The following MAF variants were observed in gnomAD, a reference collection of about 807,000 sequenced individuals.
MAF encodes the protein MAF bZIP transcription factor, also known as transcription factor Maf.
A neutral mutation model predicts 22.0 loss-of-function variants in MAF; 10 were observed. The observed-to-expected ratio is 0.45, with a 90% confidence interval of 0.28 to 0.77. MAF has a LOEUF of 0.77. Among genes scored for constraint, MAF ranks in the 30% least tolerant of loss-of-function variants. MAF has a pLI of 0.12. For missense variants in MAF, 544 were observed against 548.4 expected (o/e 0.99, Z 0.08); for synonymous variants, 337 against 255.8 (o/e 1.32, Z -3.03).
the MAF span, among the ~76,000 whole-genome samples, chr16:79,420,478 A>T: frequency 2.0e-5 from 3 of 152,126 alleles, no homozygotes; most frequent in African/African-American, 7.2e-5. Flanking sequence ...TATTTTAGAG[A>T]ATGTTTAGGT....
chr16:79,310,369 T>G, the MAF span, among the ~76,000 whole-genome samples: 110,766 of 151,338 alleles, frequency 0.73, 40,884 homozygotes, highest in East Asian at 0.94. Flanking sequence ...GAGAGAGAGA[T>G]AGAGACAGAG....
the MAF span, among the ~76,000 whole-genome samples, chr16:79,227,929 G>C: frequency 1.3e-5 from 2 of 151,946 alleles, no homozygotes. Context: ...TTTGAGACAG[G>C]GTCTTTCTCT....
chr16:79,328,057 T>C, the MAF span, among the ~76,000 whole-genome samples: 2 of 152,170 alleles, frequency 1.3e-5, no homozygotes, highest in Admixed American at 6.5e-5. Flanking sequence ...CCCAACCCTG[T>C]GAGTTGTAAG....
chr16:79,398,939 C>G, the MAF span, among the ~76,000 whole-genome samples: 1 of 152,230 alleles, frequency 6.6e-6, no homozygotes, highest in Non-Finnish European at 1.5e-5. Flanking sequence ...TTGCTCCATT[C>G]TGATTGCCTG....
chr16:79,230,392 C>G, the MAF span, among the ~76,000 whole-genome samples: 1 of 152,120 alleles, frequency 6.6e-6, no homozygotes, highest in African/African-American at 2.4e-5. Flanking sequence ...AGTCACCATC[C>G]GCCTTGAAGG....
the MAF span, among the ~76,000 whole-genome samples, chr16:79,330,482 C>T: frequency 1.3e-5 from 2 of 152,178 alleles, no homozygotes; most frequent in Admixed American, 6.6e-5. Flanking sequence ...TACAGGAATG[C>T]TCTGGCCATG....
downstream of MAF, among the ~76,000 whole-genome samples, chr16:79,590,421 G>C (rs1258923600): frequency 2.6e-5 from 4 of 152,198 alleles, no homozygotes; most frequent in Non-Finnish European, 5.9e-5. Context: ...ACTTAAAGTG[G>C]GGCGGAGGTG....
At chr16:79,450,295 C>G in the MAF span, among the ~76,000 whole-genome samples, 1 of 152,168 alleles carries the variant, frequency 6.6e-6, no homozygotes, top group African/African-American at 2.4e-5. Flanking sequence ...CAGAAATTGT[C>G]TTTTATTGGC....
At chr16:79,359,692 T>C in the MAF span, among the ~76,000 whole-genome samples, 1 of 152,216 alleles carries the variant, frequency 6.6e-6, no homozygotes, top group Non-Finnish European at 1.5e-5. Flanking sequence ...TCTTTTACTT[T>C]GTAGCCAAGA....
At chr16:79,263,315 G>C in the MAF span, among the ~76,000 whole-genome samples, 61 of 152,328 alleles carry the variant, frequency 4.0e-4, no homozygotes, top group East Asian at 1.5e-3. Context: ...AGTCAAGACA[G>C]AGATGGGGAA....
chr16:79,547,061 CT>C, the MAF span, among the ~76,000 whole-genome samples: 1 of 152,110 alleles, frequency 6.6e-6, no homozygotes, highest in Non-Finnish European at 1.5e-5. Context: ...GAGTTTGAAG[CT>C]TTTTCTTTGA....
the MAF span, among the ~76,000 whole-genome samples, chr16:79,373,358 G>GTTTTT: frequency 5.7e-5 from 4 of 69,664 alleles, 1 homozygote; most frequent in Middle Eastern, 0.019. Flanking sequence ...GGGACTGGTA[G>GTTTTT]CTTTTTTTTT....
the MAF span, among the ~76,000 whole-genome samples, chr16:79,440,759 A>G: frequency 3.3e-5 from 5 of 152,210 alleles, no homozygotes; most frequent in Admixed American, 3.3e-4. Context: ...GAAACTTCAG[A>G]ATGGCTTGCT....
At chr16:79,207,871 T>C in the MAF span, among the ~76,000 whole-genome samples, 1 of 152,188 alleles carries the variant, frequency 6.6e-6, no homozygotes, top group African/African-American at 2.4e-5. Context: ...TTGTATTCTG[T>C]GCTGACAACT....
At chr16:79,264,837 G>A in the MAF span, among the ~76,000 whole-genome samples, 29 of 152,122 alleles carry the variant, frequency 1.9e-4, no homozygotes, top group Non-Finnish European at 3.7e-4. Context: ...TCCTGCCTTC[G>A]TCATACTTTT....
At chr16:79,410,713 T>A in the MAF span, among the ~76,000 whole-genome samples, 203 of 152,232 alleles carry the variant, frequency 1.3e-3, no homozygotes, top group Non-Finnish European at 2.2e-3. Flanking sequence ...GAGGCAGCAT[T>A]TGAGCTGCTC....
chr16:79,315,434 T>C, the MAF span, among the ~76,000 whole-genome samples: 1 of 152,218 alleles, frequency 6.6e-6, no homozygotes, highest in East Asian at 1.9e-4. Flanking sequence ...AAATTTATTA[T>C]AGATATATTT....
the MAF span, among the ~76,000 whole-genome samples, chr16:79,305,383 A>G: frequency 2.6e-5 from 4 of 152,130 alleles, no homozygotes; most frequent in East Asian, 5.8e-4. Context: ...CCTACTTCCA[A>G]CCTCCATCTA....
At chr16:79,376,039 G>C in the MAF span, among the ~76,000 whole-genome samples, 3 of 151,852 alleles carry the variant, frequency 2.0e-5, no homozygotes, top group Non-Finnish European at 4.4e-5. Context: ...CTCATCGGCA[G>C]ACTTTTTTCA....
Sources: gnomAD v4.1 joint callset for allele counts (sites outside exome capture counted in the v4.1 genomes callset) on GRCh38, gnomAD v4.1.1 for gene constraint, MANE v1.5 for transcripts, NCBI Gene and HGNC (gene_info 2026-07-23, HGNC 2026-07-21) for gene names.